The following PPM1H variants were observed in gnomAD, a reference collection of about 807,000 sequenced individuals.
The protein encoded by PPM1H is protein phosphatase, Mg2+/Mn2+ dependent 1H.
A neutral mutation model predicts 54.9 loss-of-function variants in PPM1H; 27 were observed. The ratio of observed to expected loss-of-function variants is 0.49; its 90% CI spans 0.36 to 0.68. PPM1H has a LOEUF of 0.68. Ranked by LOEUF, PPM1H falls within the 30% of genes least tolerant of loss-of-function variation. The probability of loss-of-function intolerance (pLI) is 0.00; values close to 1 mark genes in which losing one functional copy is unlikely to be tolerated. For synonymous variants in PPM1H, 305 were observed against 270.8 expected, an observed-to-expected ratio of 1.13 and a Z score of -1.24; for missense variants, 596 against 667.8, an observed-to-expected ratio of 0.89 and a Z score of 1.19.
intron 9 of PPM1H, among the ~76,000 whole-genome samples, chr12:62,651,377 C>T (rs567646323): frequency 6.6e-6 from 1 of 152,246 alleles, no homozygotes; most frequent in South Asian, 2.1e-4. Flanking sequence ...AAACAGGCCT[C>T]AACAGGTCCT....
chr12:62,773,620 A>G (rs2076591671), intron 4 of PPM1H, among the ~76,000 whole-genome samples: 1 of 152,178 alleles, frequency 6.6e-6, no homozygotes, highest in Admixed American at 6.5e-5. Context: ...ATGAGCTGCT[A>G]GTTCAACTCA....
At chr12:62,776,227 T>G (rs73130057) in intron 4 of PPM1H, among the ~76,000 whole-genome samples, 25,585 of 152,156 alleles carry the variant, frequency 0.17, 2,740 homozygotes, top group Admixed American at 0.27. Flanking sequence ...AGGCCTTGGC[T>G]GTTTCATCTG....
intron 1 of PPM1H, among the ~76,000 whole-genome samples, chr12:62,891,820 A>G (rs548353840): frequency 2.0e-5 from 3 of 152,350 alleles, no homozygotes; most frequent in Admixed American, 2.0e-4. Flanking sequence ...CATCTGTGAA[A>G]GCGATCAAGA....
chr12:62,746,447 C>A (rs1259348012), intron 4 of PPM1H, among the ~76,000 whole-genome samples: 1 of 152,158 alleles, frequency 6.6e-6, no homozygotes, highest in African/African-American at 2.4e-5. Flanking sequence ...CCACTGACAA[C>A]TCAATTACCA....
At position 62,693,918 on chromosome 12, in the gene PPM1H, G is replaced by T; in HGVS notation, c.1137+18C>A. ...CAGAGCCCTGTCCTCTCTACCCAGG[G>T]GAAGCACACGTGCCTACCTTCTTGC... On this transcript the variant is annotated intron_variant, in intron 7 of 9. Transcript: ENST00000228705. 6.2e-7 allele frequency: 1 copy of T among 1,607,884 alleles called. No individual in the cohort carries two copies. The highest frequency in any genetic ancestry group is 8.5e-7 in the Non-Finnish European group (1 of 1,176,524).
At chr12:62,925,036 C>T (rs1469559695) in intron 1 of PPM1H, among the ~76,000 whole-genome samples, 1 of 151,878 alleles carries the variant, frequency 6.6e-6, no homozygotes, top group African/African-American at 2.4e-5. Flanking sequence ...GAGCAAGATT[C>T]GACTCTGTCT....
At chr12:62,808,763 G>A (rs1039624678) in intron 2 of PPM1H, among the ~76,000 whole-genome samples, 2 of 152,102 alleles carry the variant, frequency 1.3e-5, no homozygotes, top group African/African-American at 4.8e-5. Flanking sequence ...CATCTGGACA[G>A]CGGCCTTGAG....
chr12:62,914,854 T>C (rs1165076698), intron 1 of PPM1H, among the ~76,000 whole-genome samples: 1 of 152,116 alleles, frequency 6.6e-6, no homozygotes, highest in Non-Finnish European at 1.5e-5. Context: ...GTCGCTAACA[T>C]CTCTCTTCCT....
chr12:62,881,454 G>GAAGAAA (rs2121045129), intron 1 of PPM1H, among the ~76,000 whole-genome samples: 1 of 151,794 alleles, frequency 6.6e-6, no homozygotes, highest in African/African-American at 2.4e-5. Flanking sequence ...GGGGAGGGGG[G>GAAGAAA]AAGAAAAAGA....
chr12:62,758,867 G>A (rs2076490316), intron 4 of PPM1H, among the ~76,000 whole-genome samples: 1 of 152,214 alleles, frequency 6.6e-6, no homozygotes, highest in Non-Finnish European at 1.5e-5. Context: ...CACAAAAGAA[G>A]TGAAAATAGC....
intron 9 of PPM1H, among the ~76,000 whole-genome samples, chr12:62,650,115 T>C (rs1444230744): frequency 1.3e-5 from 2 of 152,182 alleles, no homozygotes; most frequent in African/African-American, 4.8e-5. Context: ...CAGACTTTCA[T>C]GTTGAGAACT....
chr12:62,847,936 C>T (rs1344463894), intron 1 of PPM1H, among the ~76,000 whole-genome samples: 3 of 152,096 alleles, frequency 2.0e-5, no homozygotes, highest in Non-Finnish European at 4.4e-5. Context: ...AACTGTTTAC[C>T]TTCCTTATTG....
chr12:62,715,824 T>G (rs1318513396), intron 6 of PPM1H, among the ~76,000 whole-genome samples: 1 of 152,140 alleles, frequency 6.6e-6, no homozygotes, highest in Non-Finnish European at 1.5e-5. Context: ...TCAGTTTAAT[T>G]TGAGCAATGG....
At chr12:62,889,167 C>T (rs1279108012) in intron 1 of PPM1H, among the ~76,000 whole-genome samples, 1 of 152,078 alleles carries the variant, frequency 6.6e-6, no homozygotes, top group Admixed American at 6.6e-5. Flanking sequence ...CTTGGAAGAC[C>T]CAATATTGTC....
intron 1 of PPM1H, among the ~76,000 whole-genome samples, chr12:62,839,390 C>T (rs1422161005): frequency 6.6e-6 from 1 of 152,076 alleles, no homozygotes; most frequent in Non-Finnish European, 1.5e-5. Flanking sequence ...AATTAGTTGC[C>T]AATATTTTAA....
chr12:62,928,723 T>C (rs1030628657), intron 1 of PPM1H, among the ~76,000 whole-genome samples: 32 of 152,208 alleles, frequency 2.1e-4, no homozygotes, highest in African/African-American at 7.5e-4. Flanking sequence ...ATTCCCCACC[T>C]TTGATGTTAC....
intron 6 of PPM1H, among the ~76,000 whole-genome samples, chr12:62,701,292 G>A (rs2076142525): frequency 6.6e-6 from 1 of 152,156 alleles, no homozygotes; most frequent in African/African-American, 2.4e-5. Context: ...TGCCCTAGTG[G>A]GCTAGGTGCT....
intron 8 of PPM1H, among the ~76,000 whole-genome samples, chr12:62,684,719 G>A (rs1041655921): frequency 7.2e-5 from 11 of 152,136 alleles, no homozygotes; most frequent in African/African-American, 2.7e-4. Context: ...ACAGAACATA[G>A]CAGGGGAATG....
intron 1 of PPM1H, among the ~76,000 whole-genome samples, chr12:62,863,740 G>T (rs1869685703): frequency 6.6e-6 from 1 of 152,166 alleles, no homozygotes; most frequent in Non-Finnish European, 1.5e-5. Context: ...AAAAAAGTGG[G>T]TTTAATTTTA....
Sources: allele counts gnomAD v4.1 joint callset (sites outside exome capture counted in the v4.1 genomes callset), GRCh38; gene constraint gnomAD v4.1.1; transcripts MANE v1.5; gene names NCBI Gene and HGNC (gene_info 2026-07-23, HGNC 2026-07-21).